Variants in GYS1 observed in about 807,000 individuals in gnomAD.
GYS1 encodes the protein glycogen synthase 1.
In GYS1, 60 loss-of-function variants were observed where a neutral mutation model predicts 89.1. That is an observed-to-expected ratio of 0.67 (90% CI 0.55 to 0.84). The LOEUF (loss-of-function observed/expected upper bound fraction) is 0.84, where lower values mean the gene tolerates loss of function less well. Among genes scored for constraint, GYS1 ranks in the 40% least tolerant of loss-of-function variants. GYS1 has a pLI of 0.00. For missense variants in GYS1, 888 were observed against 1,003.1 expected (o/e 0.89, Z 1.55); for synonymous variants, 366 against 401.7 (o/e 0.91, Z 1.06).
At chr19:48,982,579 A>C in intron 6 of GYS1, 141 bp downstream of exon 6, 1 of 861,304 alleles carries the variant, frequency 1.2e-6, no homozygotes, top group Non-Finnish European at 1.9e-6. Context: ...CCAGCGCTCA[A>C]GAATTAAGGA....
intron 12 of GYS1, among the ~76,000 whole-genome samples, chr19:48,973,422 C>T (rs540341773): frequency 6.6e-5 from 10 of 151,862 alleles, no homozygotes; most frequent in African/African-American, 2.2e-4. Context: ...GGGCTGACCG[C>T]GACTCCTAAT....
chr19:48,977,073 G>A (rs11878729), intron 10 of GYS1, among the ~76,000 whole-genome samples: 51,665 of 151,782 alleles, frequency 0.34, 9,100 homozygotes, highest in Middle Eastern at 0.49. Flanking sequence ...ACTGACAGGT[G>A]TGAGCTACCA....
At chr19:48,972,693 G>A (rs1442965988) in intron 12 of GYS1, among the ~76,000 whole-genome samples, 1 of 152,052 alleles carries the variant, frequency 6.6e-6, no homozygotes, top group African/African-American at 2.4e-5. Context: ...TGGCCAGGCT[G>A]GTCTCAAACT....
chr19:48,981,186 G>A (rs1410281373), intron 8 of GYS1, among the ~76,000 whole-genome samples: 2 of 151,446 alleles, frequency 1.3e-5, no homozygotes, highest in Non-Finnish European at 2.9e-5. Context: ...AGGCTGAGGC[G>A]GGCAGATCAC....
rs1406525374 is a variant in GYS1 at position 48,991,929 on chromosome 19, C to A, written c.119-446G>T. Among the ~76,000 whole-genome samples, 1 of 152,034 alleles carries A rather than the reference C, an allele frequency of 6.6e-6. No individual in the cohort carries two copies. The highest frequency in any genetic ancestry group is 6.5e-5 in the Admixed American group (1 of 15,274). ...CTCCAAAACCCAGTGAGGGAGACCC[C>A]CTCATGGCCAATCCAGCTTCTCACC... is the stretch of plus-strand genomic sequence containing the variant. On this transcript the variant is annotated intron_variant, in intron 1 of 15. Coordinates refer to ENST00000323798, the MANE Select transcript of GYS1 (RefSeq NM_002103.5). This position sits in a 1 kb window ranked among gnomAD's most constrained non-coding sequence, Gnocchi z 4.7.
In GYS1 at chr19:48,985,479, A is replaced by G. The variant is rs2038828228; in HGVS notation, c.805T>C (p.Leu269=). 6.2e-7 allele frequency: 1 copy of G among 1,613,830 alleles called. No individual in the cohort carries two copies. The highest frequency in any genetic ancestry group is 1.1e-5 in the South Asian group (1 of 91,088). ...CCCCTACCTGGTTTCCTCTTGAGCA[A>G]GTGCTGTGCCTCGATGGCGGTGATC... is the stretch of plus-strand genomic sequence containing the variant. ...SQITAIEAQH[L]LKRKPDIVTP... is the part of the protein sequence containing the mutation. Residue 269 remains leucine, a synonymous_variant, in exon 5 of 16, where the codon TTG becomes CTG. Coordinates refer to ENST00000323798, the MANE Select transcript of GYS1 (RefSeq NM_002103.5).
chr19:48,981,506 G>C (rs372880758), intron 8 of GYS1, 24 bp downstream of exon 8: 182 of 1,331,350 alleles, frequency 1.4e-4, no homozygotes, highest in Non-Finnish European at 1.7e-4. Flanking sequence ...GGCTGCGCCA[G>C]GGGCCGGAGC....
intron 2 of GYS1, among the ~76,000 whole-genome samples, chr19:48,990,825 C>T (rs571192604): frequency 2.0e-5 from 3 of 152,304 alleles, no homozygotes; most frequent in East Asian, 1.9e-4. Flanking sequence ...GACAGAGTCT[C>T]GCTCCGTCGC....
At position 48,991,352 on chromosome 19, in the gene GYS1, TG is replaced by T. The variant is rs1473735694; in HGVS notation, c.249del (p.Thr84ProfsTer4). 2 of 1,613,840 alleles carry T rather than the reference TG, an allele frequency of 1.2e-6. No homozygotes were observed. Among genetic ancestry groups the T allele is most frequent in the South Asian group, 1.1e-5 (1 of 91,082 alleles). ...VRTQVELLEA[P>X]TPALKRTLDS... The stretch of plus-strand genomic sequence containing the variant: ...TCCAGTGTCCTCTTCAGGGCCGGGG[TG>T]GGGGCCTCCAGCAGTTCCACCTGGG... On this transcript the variant is annotated frameshift_variant, in exon 2 of 16. Transcript: ENST00000323798. LOFTEE classifies it high-confidence loss of function. This position sits in a 1 kb window ranked among gnomAD's most constrained non-coding sequence, Gnocchi z 4.7.
intron 12 of GYS1, among the ~76,000 whole-genome samples, chr19:48,973,110 G>A (rs1000894089): frequency 6.6e-5 from 10 of 152,208 alleles, no homozygotes; most frequent in Non-Finnish European, 1.0e-4. Flanking sequence ...TGGTTCCCCC[G>A]CCGCTGTTCT....
intron 10 of GYS1, among the ~76,000 whole-genome samples, chr19:48,975,817 CA>C: frequency 7.0e-6 from 1 of 142,838 alleles, no homozygotes; most frequent in Non-Finnish European, 1.5e-5. Flanking sequence ...GAGGCTGGGG[CA>C]GGAGAACGGC....
At chr19:48,981,404 C>T in intron 8 of GYS1, 126 bp downstream of exon 8, 2 of 707,892 alleles carry the variant, frequency 2.8e-6, no homozygotes, top group Admixed American at 2.0e-5. Flanking sequence ...CAGAGTGAGA[C>T]TGTCTCAAAA....
At chr19:48,974,106 T>C in intron 12 of GYS1, 107 bp downstream of exon 12, 1 of 1,216,616 alleles carries the variant, frequency 8.2e-7, no homozygotes, top group Admixed American at 2.0e-5. Context: ...TTGTTCCTGT[T>C]TTGCAAAGAA....
intron 7 of GYS1, 62 bp from the exon 8 acceptor site, chr19:48,981,698 C>G: frequency 9.3e-7 from 1 of 1,074,652 alleles, no homozygotes; most frequent in South Asian, 1.3e-5. Flanking sequence ...AACCAGCCAG[C>G]CTTTCTGTCA....
intron 11 of GYS1, 62 bp downstream of exon 11, chr19:48,974,558 G>A: frequency 2.6e-6 from 3 of 1,163,340 alleles, no homozygotes; most frequent in South Asian, 2.5e-5. Context: ...GAGTGTGTGA[G>A]GCCCAGGACC....
intron 12 of GYS1, among the ~76,000 whole-genome samples, chr19:48,973,622 C>T (rs560692982): frequency 1.3e-5 from 2 of 150,884 alleles, no homozygotes; most frequent in East Asian, 3.9e-4. Context: ...CAAGTTCAAG[C>T]AATTCTCTGC....
At chr19:48,980,705 C>T (rs1002873916) in intron 8 of GYS1, among the ~76,000 whole-genome samples, 4 of 151,732 alleles carry the variant, frequency 2.6e-5, no homozygotes, top group Non-Finnish European at 5.9e-5. Flanking sequence ...CTAAGCCAGG[C>T]GCAGTGGCTC....
Position 48,985,454 on chromosome 19 carries a change from C to CCCCT in GYS1, c.823+3_823+6dup. On this transcript the variant is annotated splice_region_variant and intron_variant, in intron 5 of 15. Coordinates refer to ENST00000323798, the MANE Select transcript of GYS1 (RefSeq NM_002103.5). ...TTCACGTCTGGGGACTTCAGCCCAG[C>CCCCT]CCCTACCTGGTTTCCTCTTGAGCAA... 6.2e-7 allele frequency: 1 copy of CCCCT among 1,613,174 alleles called. No homozygotes were observed. The highest frequency in any genetic ancestry group is 8.5e-7 in the Non-Finnish European group (1 of 1,179,958).
intron 2 of GYS1, among the ~76,000 whole-genome samples, chr19:48,990,012 G>GGGGA (rs1555800170): frequency 6.6e-6 from 1 of 150,568 alleles, no homozygotes; most frequent in Non-Finnish European, 1.5e-5. Flanking sequence ...GGGGGGGGGG[G>GGGGA]GCTATTCTTA....
Sources: gnomAD v4.1 joint callset for allele counts (sites outside exome capture counted in the v4.1 genomes callset) on GRCh38, gnomAD v4.1.1 for gene constraint, Gnocchi (gnomAD v3.1) non-coding constraint, MANE v1.5 for transcripts, NCBI Gene and HGNC (gene_info 2026-07-23, HGNC 2026-07-21) for gene names.